Variants in CEP128 observed in about 807,000 individuals in gnomAD.
The protein encoded by CEP128 is centrosomal protein 128.
Under a neutral mutation model 156.7 loss-of-function variants are expected in CEP128, and 132 were observed. The ratio of observed to expected loss-of-function variants is 0.84; its 90% CI spans 0.73 to 0.97. CEP128 has a LOEUF of 0.97. Among genes scored for constraint, CEP128 ranks in the 50% least tolerant of loss-of-function variants. The pLI, the probability that CEP128 is intolerant of heterozygous loss-of-function variation, is 0.00. For synonymous variants in CEP128, 469 were observed against 448.9 expected, an observed-to-expected ratio of 1.04 and a Z score of -0.57; for missense variants, 1,252 against 1,281.9, an observed-to-expected ratio of 0.98 and a Z score of 0.36.
At chr14:80,515,877 T>A (rs1285608079) in intron 23 of CEP128, among the ~76,000 whole-genome samples, 1 of 152,148 alleles carries the variant, frequency 6.6e-6, no homozygotes, top group Non-Finnish European at 1.5e-5. Flanking sequence ...ACTTACGTTT[T>A]TTCTTTCTGA....
At chr14:80,646,002 A>G (rs1179424141) in intron 19 of CEP128, among the ~76,000 whole-genome samples, 1 of 152,214 alleles carries the variant, frequency 6.6e-6, no homozygotes, top group Non-Finnish European at 1.5e-5. Flanking sequence ...AGAAAAGGCA[A>G]AAGTATGGAG....
In CEP128 at chr14:80,497,479, T is replaced by G; in HGVS notation, c.3285A>C (p.Ter1095TyrextTer67). The change falls in exon 25 of 25, where the codon TAA (stop) becomes TAC (tyrosine). Residue 1095 changes from the stop codon to tyrosine, a stop_lost. Coordinates refer to ENST00000555265, the MANE Select transcript of CEP128 (RefSeq NM_152446.5). The stretch of plus-strand genomic sequence containing the variant: ...AAAATAACAAATTACATTTGCTTTT[T>G]TAGCTCCCATATTCCTCTTTTTTGG... ...SQPKKEEYGS[*>Y] 1 of 1,595,036 alleles carries G rather than the reference T, an allele frequency of 6.3e-7. No homozygotes were observed. Among genetic ancestry groups the G allele is most frequent in the Non-Finnish European group, 8.6e-7 (1 of 1,165,234 alleles).
chr14:80,868,338 T>C (rs552513280), intron 8 of CEP128, among the ~76,000 whole-genome samples: 81 of 152,236 alleles, frequency 5.3e-4, no homozygotes, highest in African/African-American at 1.9e-3. Flanking sequence ...GGATACACAA[T>C]ATTTAAAGAG....
chr14:80,831,284 C>T lies in CEP128; in HGVS notation c.1068G>A (p.Arg356=), dbSNP rs750908369. ...TTTGCTTCTCCAGGTCCTGTTTTTC[C>T]CGCTCAACCCCTTAAAAGATAAAAT... ...EDWRFRRGVE[R]EKQDLEKQMS... The change falls in exon 13 of 25, where the codon CGG becomes CGA. Residue 356 remains arginine, a synonymous_variant. Coordinates refer to ENST00000555265, the MANE Select transcript of CEP128 (RefSeq NM_152446.5). The T allele has an allele frequency of 1.9e-6, 3 of 1,613,806 alleles. No homozygotes were observed. In the East Asian group the frequency reaches 6.7e-5, roughly 36 times the overall value.
chr14:80,867,653 CCACT>C (rs1006418175), intron 8 of CEP128, among the ~76,000 whole-genome samples: 24 of 150,112 alleles, frequency 1.6e-4, no homozygotes, highest in Non-Finnish European at 2.8e-4. Context: ...TTGAAATTGC[CCACT>C]CAGAGAAACA....
downstream of CEP128, among the ~76,000 whole-genome samples, chr14:80,492,674 T>C (rs1887363986): frequency 6.6e-6 from 1 of 152,186 alleles, no homozygotes; most frequent in Admixed American, 6.5e-5. Flanking sequence ...GCCATTTGAA[T>C]GCTTGGTGGC....
chr14:80,942,084 G>T (rs932454602), upstream of CEP128, among the ~76,000 whole-genome samples: 6 of 151,948 alleles, frequency 3.9e-5, no homozygotes, highest in Admixed American at 3.3e-4. Context: ...CAGGACTACG[G>T]TAAGATGGGG....
intron 8 of CEP128, among the ~76,000 whole-genome samples, chr14:80,886,678 C>T (rs1437454104): frequency 6.6e-6 from 1 of 152,168 alleles, no homozygotes; most frequent in African/African-American, 2.4e-5. Context: ...CAAAAACATA[C>T]CAAATTGTAA....
chr14:80,623,314 TG>T (rs1380305719), intron 19 of CEP128, among the ~76,000 whole-genome samples: 5 of 38,170 alleles, frequency 1.3e-4, no homozygotes, highest in African/African-American at 5.4e-4. Context: ...TGTTGTGGGG[TG>T]GGGGGAAGGG....
At position 80,759,096 on chromosome 14, in the gene CEP128, G is replaced by A. The variant is rs190036579; in HGVS notation, c.2554-2145C>T. 4.1e-4 allele frequency among the ~76,000 whole-genome samples: 63 copies of A among 152,302 alleles called. 1 individual carries two copies. The highest frequency in any genetic ancestry group is 2.6e-4 in the Admixed American group (4 of 15,302). ...CTCTTGGATTATCAAAAACTGGCCT[G>A]TGAGAATGATACATCTTAATTCAGA... On this transcript the variant is annotated intron_variant, in intron 17 of 24. Coordinates refer to ENST00000555265, the MANE Select transcript of CEP128 (RefSeq NM_152446.5).
In CEP128 at chr14:80,927,253, C is replaced by A. The variant is rs372944938; in HGVS notation, c.-15-10691G>T. 1.1e-4 allele frequency among the ~76,000 whole-genome samples: 17 copies of A among 152,338 alleles called. No homozygotes were observed. The South Asian group carries it at 2.1e-3, about 19-fold the overall frequency. On this transcript the variant is annotated intron_variant, in intron 2 of 24. Transcript: ENST00000555265. The stretch of plus-strand genomic sequence containing the variant: ...TGAACCTTCCACTTGTGGGAAGTTT[C>A]TTTCAGCAGAGGCACAGGTGCAGTG...
At chr14:80,533,850 A>C (rs1222486088) in intron 21 of CEP128, among the ~76,000 whole-genome samples, 1 of 152,148 alleles carries the variant, frequency 6.6e-6, no homozygotes. Flanking sequence ...TTAACAACAA[A>C]TATGTATCTC....
intron 19 of CEP128, among the ~76,000 whole-genome samples, chr14:80,693,457 T>C (rs1555391999): frequency 6.6e-6 from 1 of 152,178 alleles, no homozygotes; most frequent in Non-Finnish European, 1.5e-5. Flanking sequence ...TAATGAGACA[T>C]AGAGTGATCT....
At chr14:80,915,023 TA>T (rs1241410738) in intron 3 of CEP128, among the ~76,000 whole-genome samples, 1 of 152,178 alleles carries the variant, frequency 6.6e-6, no homozygotes, top group Non-Finnish European at 1.5e-5. Flanking sequence ...TATCTTACTT[TA>T]CTTACTTACA....
intron 19 of CEP128, among the ~76,000 whole-genome samples, chr14:80,632,186 A>G (rs1893989373): frequency 6.6e-6 from 1 of 151,938 alleles, no homozygotes; most frequent in African/African-American, 2.4e-5. Context: ...ATCCTTCAGT[A>G]TTTTTCTTTT....
At chr14:80,836,843 C>G (rs1160908586) in intron 11 of CEP128, among the ~76,000 whole-genome samples, 1 of 152,116 alleles carries the variant, frequency 6.6e-6, no homozygotes, top group Non-Finnish European at 1.5e-5. Flanking sequence ...CCTTAGACTG[C>G]CAAATTACCT....
At chr14:80,872,020 T>C (rs1470385818) in intron 8 of CEP128, among the ~76,000 whole-genome samples, 3 of 152,216 alleles carry the variant, frequency 2.0e-5, no homozygotes, top group Non-Finnish European at 2.9e-5. Flanking sequence ...AATCCTGTTA[T>C]TCTAAATGCA....
intron 19 of CEP128, among the ~76,000 whole-genome samples, chr14:80,625,174 C>A: frequency 6.6e-6 from 1 of 152,088 alleles, no homozygotes; most frequent in East Asian, 1.9e-4. Context: ...TCTTTATTAA[C>A]GAGGCACTTT....
At chr14:80,814,111 A>G (rs1309634390) in intron 13 of CEP128, among the ~76,000 whole-genome samples, 2 of 152,156 alleles carry the variant, frequency 1.3e-5, no homozygotes, top group Admixed American at 1.3e-4. Flanking sequence ...TGCACATTCA[A>G]GATGGTTTTA....
Sources: allele counts gnomAD v4.1 joint callset (sites outside exome capture counted in the v4.1 genomes callset), GRCh38; gene constraint gnomAD v4.1.1; transcripts MANE v1.5; gene names NCBI Gene and HGNC (gene_info 2026-07-23, HGNC 2026-07-21).